The following MSR1 variants were observed in gnomAD, a reference collection of about 807,000 sequenced individuals.
The protein encoded by MSR1 is macrophage scavenger receptor 1, also known as macrophage scavenger receptor types I and II.
MSR1 carries 53 observed loss-of-function variants against 47.2 expected under a neutral mutation model. The ratio of observed to expected loss-of-function variants is 1.12; its 90% CI spans 0.90 to 1.41. MSR1 has a LOEUF of 1.41. MSR1 is among the 40% of genes most tolerant of loss of function. The probability of loss-of-function intolerance (pLI) is 0.00; values close to 1 mark genes in which losing one functional copy is unlikely to be tolerated. For missense variants in MSR1, 786 were observed against 546.9 expected (o/e 1.44, Z -4.36); for synonymous variants, 239 against 185.6 (o/e 1.29, Z -2.34).
intron 2 of MSR1, among the ~76,000 whole-genome samples, 163 bp downstream of exon 2, chr8:16,177,723 A>AT (rs2081895379): frequency 1.3e-5 from 2 of 152,128 alleles, no homozygotes; most frequent in South Asian, 4.1e-4. Flanking sequence ...CCTTACTTTT[A>AT]TTTAAGCTTA....
intron 8 of MSR1, among the ~76,000 whole-genome samples, chr8:16,123,398 T>C (rs890256586): frequency 3.3e-5 from 5 of 152,160 alleles, no homozygotes; most frequent in Admixed American, 1.3e-4. Context: ...ACCTTGATCA[T>C]AGGATTTTCT....
At position 16,130,017 on chromosome 8, in the gene MSR1, C is replaced by CTGCACATAAT. The variant is rs549162494; in HGVS notation, c.1034-9421_1034-9412dup. 1.8e-4 allele frequency among the ~76,000 whole-genome samples: 28 copies of CTGCACATAAT among 152,202 alleles called. No homozygotes were observed. In the East Asian group the frequency reaches 5.4e-3, roughly 29 times the overall value. ...TTGGGCCTCTGCTTCATCTGCATTCCTGCACATAATTGCATGAATTTCCAC... is the reference window on the plus strand; with the variant it reads ...TTGGGCCTCTGCTTCATCTGCATTCCTGCACATAATTGCACATAATTGCATGAATTTCCAC... On this transcript the variant is annotated intron_variant, in intron 8 of 9. Coordinates refer to ENST00000262101, the MANE Select transcript of MSR1 (RefSeq NM_138715.3).
chr8:16,165,906 C>T (rs562858876), intron 4 of MSR1, among the ~76,000 whole-genome samples: 2 of 152,108 alleles, frequency 1.3e-5, no homozygotes, highest in African/African-American at 4.8e-5. Flanking sequence ...CTCCTCCTCC[C>T]CTGACCATTT....
chr8:16,179,056 T>C (rs1433567144), intron 1 of MSR1, among the ~76,000 whole-genome samples: 1 of 152,240 alleles, frequency 6.6e-6, no homozygotes, highest in African/African-American at 2.4e-5. Flanking sequence ...CTCATGTATC[T>C]TTCTATTTAC....
At chr8:16,164,008 G>A (rs1182304532) in intron 5 of MSR1, 57 bp downstream of exon 5, 50 of 1,311,996 alleles carry the variant, frequency 3.8e-5, no homozygotes, top group Non-Finnish European at 5.0e-5. Flanking sequence ...ATCTCTGCAT[G>A]TATCAGTATA....
chr8:16,138,366 T>A (rs78874363), intron 8 of MSR1, among the ~76,000 whole-genome samples: 1 of 152,198 alleles, frequency 6.6e-6, no homozygotes, highest in East Asian at 1.9e-4. Context: ...CGATTCACTA[T>A]GACTAGCGTT....
At chr8:16,189,926 T>TTG (rs1311516250) in intron 1 of MSR1, among the ~76,000 whole-genome samples, 1 of 146,852 alleles carries the variant, frequency 6.8e-6, no homozygotes, top group African/African-American at 2.5e-5. Context: ...TTTTTTTTTT[T>TTG]TTTTTTGAGA....
At position 16,165,616 on chromosome 8, in the gene MSR1, C is replaced by T. The variant is rs551690890; in HGVS notation, c.631-1365G>A. Among the ~76,000 whole-genome samples the T allele has an allele frequency of 1.1e-4, 17 of 152,132 alleles. No homozygotes were observed. In the South Asian group the frequency reaches 2.9e-3, roughly 26 times the overall value. On this transcript the variant is annotated intron_variant, in intron 4 of 9. Coordinates refer to ENST00000262101, the MANE Select transcript of MSR1 (RefSeq NM_138715.3). ...TCTAAAGTTGATAGATACTCATTTC[C>T]GATTTGCACATGGGGAAATAAGCCA...
At chr8:16,163,277 A>G (rs1233263199) in intron 5 of MSR1, among the ~76,000 whole-genome samples, 2 of 151,932 alleles carry the variant, frequency 1.3e-5, no homozygotes, top group Admixed American at 1.3e-4. Context: ...GGAAATAAAT[A>G]CAGTGCAAAG....
chr8:16,147,324 T>C (rs1800728106), intron 7 of MSR1, among the ~76,000 whole-genome samples: 1 of 152,134 alleles, frequency 6.6e-6, no homozygotes, highest in African/African-American at 2.4e-5. Context: ...TCCCTGTTTC[T>C]AGCACTGTAC....
chr8:16,181,481 G>C (rs1801830400), intron 1 of MSR1, among the ~76,000 whole-genome samples: 1 of 152,162 alleles, frequency 6.6e-6, no homozygotes, highest in Admixed American at 6.6e-5. Context: ...AAAAAAGAGT[G>C]AGTTCATGTC....
At chr8:16,147,842 G>C (rs1276975105) in intron 7 of MSR1, among the ~76,000 whole-genome samples, 1 of 152,106 alleles carries the variant, frequency 6.6e-6, no homozygotes, top group African/African-American at 2.4e-5. Context: ...CTTTGTGCGT[G>C]ATTACTCTTT....
At position 16,113,542 on chromosome 8, in the gene MSR1, G is replaced by C. The variant is rs371906019; in HGVS notation, c.1223-3324C>G. Among the ~76,000 whole-genome samples the C allele has an allele frequency of 6.6e-5, 10 of 152,270 alleles. No homozygotes were observed. The East Asian group carries it at 1.5e-3, about 23-fold the overall frequency. On this transcript the variant is annotated intron_variant, in intron 9 of 9. Coordinates refer to ENST00000262101, the MANE Select transcript of MSR1 (RefSeq NM_138715.3). ...CTAGTTGGGAAGTGTTTTGTGAACA[G>C]TGTCTCCATTGAGAAAAACAATGTA...
chr8:16,173,122 G>A (rs967845721), intron 3 of MSR1, among the ~76,000 whole-genome samples: 12 of 152,126 alleles, frequency 7.9e-5, no homozygotes, highest in Non-Finnish European at 4.4e-5. Context: ...CATTCTTAGT[G>A]TCTAGTCAAT....
chr8:16,135,021 A>G (rs1800356556), intron 8 of MSR1, among the ~76,000 whole-genome samples: 1 of 152,178 alleles, frequency 6.6e-6, no homozygotes, highest in Non-Finnish European at 1.5e-5. Context: ...GTTTAAGGAA[A>G]GAAGCCATCT....
intron 8 of MSR1, among the ~76,000 whole-genome samples, chr8:16,136,254 T>C (rs975194495): frequency 6.6e-6 from 1 of 152,070 alleles, no homozygotes; most frequent in Non-Finnish European, 1.5e-5. Context: ...TCTTAAGAAA[T>C]TGCCACAGCC....
intron 8 of MSR1, among the ~76,000 whole-genome samples, chr8:16,124,015 T>C (rs79846764): frequency 0.025 from 3,836 of 152,274 alleles, 87 homozygotes; most frequent in Middle Eastern, 0.085. Flanking sequence ...AGTTTCTTTC[T>C]TGATGACAGT....
intron 5 of MSR1, among the ~76,000 whole-genome samples, chr8:16,157,467 T>A (rs1327142309): frequency 1.3e-5 from 2 of 151,926 alleles, no homozygotes; most frequent in Non-Finnish European, 1.5e-5. Flanking sequence ...AGGTAAAGAT[T>A]TTTGTTAGAG....
rs180774574 is a variant in MSR1, at chr8:16,186,730, C to G, written c.-5+5868G>C. 2.0e-5 allele frequency among the ~76,000 whole-genome samples: 3 copies of G among 151,738 alleles called. No individual in the cohort carries two copies. In the East Asian group the frequency reaches 5.9e-4, roughly 30 times the overall value. On this transcript the variant is annotated intron_variant, in intron 1 of 9. Transcript: ENST00000262101. ...CACTGCAACCTTGACCTCCTGGGTT[C>G]AAGTGATTCTTCCACCTCAGCCTCC...
Sources: gnomAD v4.1 joint callset for allele counts (sites outside exome capture counted in the v4.1 genomes callset) on GRCh38, gnomAD v4.1.1 for gene constraint, MANE v1.5 for transcripts, NCBI Gene and HGNC (gene_info 2026-07-23, HGNC 2026-07-21) for gene names.